Variants in NAA15 observed in about 807,000 individuals in gnomAD.
The protein encoded by NAA15 is N-terminal acetyltransferase.
NAA15 carries 34 observed loss-of-function variants against 114.0 expected under a neutral mutation model. The observed-to-expected ratio is 0.30, with a 90% CI of 0.23 to 0.40. The LOEUF is 0.40. NAA15 is among the 10% of genes least tolerant of loss of function. The pLI is 1.00. For missense variants in NAA15, 658 were observed against 1,004.5 expected (o/e 0.66, Z 4.66); for synonymous variants, 340 against 338.0 (o/e 1.01, Z -0.06).
chr4:139,377,053 A>G (rs1748598889), intron 16 of NAA15, among the ~76,000 whole-genome samples: 1 of 152,210 alleles, frequency 6.6e-6, no homozygotes, highest in Non-Finnish European at 1.5e-5. Context: ...AGTAGATAAT[A>G]AGATTTTAGA....
At chr4:139,369,737 C>CAA (rs1247894181) in intron 14 of NAA15, among the ~76,000 whole-genome samples, 149 of 79,118 alleles carry the variant, frequency 1.9e-3, no homozygotes, top group Non-Finnish European at 2.5e-3. Context: ...GACTCCGTCT[C>CAA]AAAAAAAAAA....
At chr4:139,356,123 G>T (rs1747941322) in intron 10 of NAA15, among the ~76,000 whole-genome samples, 2 of 152,146 alleles carry the variant, frequency 1.3e-5, no homozygotes, top group Non-Finnish European at 2.9e-5. Flanking sequence ...CATATTTGAT[G>T]TTTTATATCA....
At chr4:139,383,611 C>CA (rs949534728) in intron 17 of NAA15, among the ~76,000 whole-genome samples, 1 of 152,206 alleles carries the variant, frequency 6.6e-6, no homozygotes, top group African/African-American at 2.4e-5. Flanking sequence ...GCTGGGACCA[C>CA]AGGCACACAC....
chr4:139,316,054 C>G (rs574939314), intron 1 of NAA15, among the ~76,000 whole-genome samples: 26 of 151,382 alleles, frequency 1.7e-4, no homozygotes, highest in Middle Eastern at 6.8e-3. Flanking sequence ...ACATACTATT[C>G]TTCCTCGTCA....
At chr4:139,358,297 A>G (rs1748028460) in intron 11 of NAA15, among the ~76,000 whole-genome samples, 1 of 151,600 alleles carries the variant, frequency 6.6e-6, no homozygotes, top group African/African-American at 2.4e-5. Flanking sequence ...GGTTGAAGCA[A>G]TTCTCATGCC....
At chr4:139,342,230 C>T (rs1747426651) in intron 4 of NAA15, among the ~76,000 whole-genome samples, 1 of 151,916 alleles carries the variant, frequency 6.6e-6, no homozygotes, top group Non-Finnish European at 1.5e-5. Context: ...TCCATCCTGC[C>T]TCTTTTCTGG....
chr4:139,359,920 T>C (rs569475906), intron 12 of NAA15, 25 bp downstream of exon 12: 1 of 1,544,880 alleles, frequency 6.5e-7, no homozygotes, highest in Admixed American at 2.4e-5. Context: ...TGTTCTTAAT[T>C]ATGAATAAAG....
At chr4:139,341,104 AG>A in intron 4 of NAA15, 35 bp downstream of exon 4, 1 of 1,383,864 alleles carries the variant, frequency 7.2e-7, no homozygotes, top group Non-Finnish European at 9.5e-7. Flanking sequence ...TTTAATTCTA[AG>A]GGGAAAATAT....
chr4:139,355,180 AAATT>A (rs1457362047), intron 10 of NAA15, among the ~76,000 whole-genome samples: 1 of 152,150 alleles, frequency 6.6e-6, no homozygotes, highest in East Asian at 1.9e-4. Context: ...CGCCTGACAA[AAATT>A]AATACTTTCT....
chr4:139,315,001 T>TTCAGTTCAGTTTAGG (rs1181192026), intron 1 of NAA15, among the ~76,000 whole-genome samples: 1 of 74,354 alleles, frequency 1.3e-5, no homozygotes, highest in Non-Finnish European at 2.5e-5. Flanking sequence ...TTCAGTTCAG[T>TTCAGTTCAGTTTAGG]TTAGTTTAGG....
chr4:139,339,322 T>C (rs1053872174), intron 3 of NAA15, among the ~76,000 whole-genome samples: 3 of 151,844 alleles, frequency 2.0e-5, no homozygotes, highest in African/African-American at 4.8e-5. Context: ...TAGTGAGACC[T>C]CGTCTCTATG....
At chr4:139,362,366 C>G (rs1048614857) in intron 14 of NAA15, among the ~76,000 whole-genome samples, 3 of 152,222 alleles carry the variant, frequency 2.0e-5, no homozygotes, top group Non-Finnish European at 4.4e-5. Flanking sequence ...TGCAACCTCC[C>G]AGGTTCAAGC....
At chr4:139,325,013 A>G (rs1025026989) in intron 1 of NAA15, among the ~76,000 whole-genome samples, 2 of 152,222 alleles carry the variant, frequency 1.3e-5, no homozygotes, top group African/African-American at 4.8e-5. Context: ...AATTTCATTA[A>G]TTGAGAACAT....
intron 1 of NAA15, among the ~76,000 whole-genome samples, chr4:139,315,405 G>A (rs777250328): frequency 2.0e-5 from 3 of 151,708 alleles, no homozygotes; most frequent in Non-Finnish European, 4.4e-5. Context: ...TGTAATCCCC[G>A]CTACTTGGCA....
intron 12 of NAA15, 90 bp from the exon 13 acceptor site, chr4:139,360,410 A>G: frequency 7.9e-7 from 1 of 1,262,088 alleles, no homozygotes; most frequent in Non-Finnish European, 1.0e-6. Flanking sequence ...AAGAGTCCCA[A>G]TCAGCTTAAC....
intron 3 of NAA15, among the ~76,000 whole-genome samples, chr4:139,339,371 C>T (rs1003751362): frequency 1.3e-5 from 2 of 152,046 alleles, no homozygotes; most frequent in African/African-American, 4.8e-5. Flanking sequence ...GTGGCATGTG[C>T]CTGTGGTCCT....
chr4:139,307,393 C>T (rs1017104006), intron 1 of NAA15, among the ~76,000 whole-genome samples: 16 of 152,134 alleles, frequency 1.1e-4, no homozygotes, highest in Admixed American at 7.2e-4. Flanking sequence ...CTCAGTCTCC[C>T]GAGTAGCTGC....
At chr4:139,375,463 CT>C (rs199917066) in intron 15 of NAA15, among the ~76,000 whole-genome samples, 22 of 145,612 alleles carry the variant, frequency 1.5e-4, no homozygotes, top group African/African-American at 5.6e-4. Flanking sequence ...CTTTTCTTTT[CT>C]TTTCTTTTTT....
At chr4:139,358,939 A>ACC (rs927251126) in intron 11 of NAA15, among the ~76,000 whole-genome samples, 3 of 151,728 alleles carry the variant, frequency 2.0e-5, no homozygotes, top group Non-Finnish European at 4.4e-5. Flanking sequence ...ATATGGTGAA[A>ACC]CCCCATCTCT....
Sources: allele counts gnomAD v4.1 joint callset (sites outside exome capture counted in the v4.1 genomes callset), GRCh38; gene constraint gnomAD v4.1.1; transcripts MANE v1.5; gene names NCBI Gene and HGNC (gene_info 2026-07-23, HGNC 2026-07-21).